The following DGKB variants were observed in gnomAD, a reference collection of about 807,000 sequenced individuals.
The protein encoded by DGKB is diacylglycerol kinase beta.
In DGKB, 67 loss-of-function variants were observed where a neutral mutation model predicts 114.3. The observed-to-expected ratio is 0.59, with a 90% CI of 0.48 to 0.72. The LOEUF is 0.72. Among genes scored for constraint, DGKB ranks in the 30% least tolerant of loss-of-function variants. The probability of loss-of-function intolerance (pLI) is 0.00; values close to 1 mark genes in which losing one functional copy is unlikely to be tolerated. For missense variants in DGKB, 907 were observed against 975.2 expected (o/e 0.93, Z 0.93); for synonymous variants, 398 against 323.1 (o/e 1.23, Z -2.49).
At chr7:14,264,875 T>C (rs1797262072) in intron 23 of DGKB, among the ~76,000 whole-genome samples, 2 of 152,170 alleles carry the variant, frequency 1.3e-5, no homozygotes, top group Non-Finnish European at 2.9e-5. Flanking sequence ...ATGGGGGTTG[T>C]TGTTTTAAAC....
chr7:14,897,159 T>A (rs942229305), intron 1 of DGKB, among the ~76,000 whole-genome samples: 1 of 151,740 alleles, frequency 6.6e-6, no homozygotes, highest in African/African-American at 2.4e-5. Context: ...GATGGTACTT[T>A]AAAAAAAATT....
At chr7:14,717,731 C>T (rs1828446667) in intron 6 of DGKB, among the ~76,000 whole-genome samples, 1 of 151,996 alleles carries the variant, frequency 6.6e-6, no homozygotes, top group Non-Finnish European at 1.5e-5. Flanking sequence ...TAGTAGCAAG[C>T]ATTTTTCATT....
chr7:14,949,263 A>T (rs1786043594), intron 1 of DGKB, among the ~76,000 whole-genome samples: 1 of 151,980 alleles, frequency 6.6e-6, no homozygotes, highest in South Asian at 2.1e-4. Context: ...TCGCCTAAGC[A>T]AGTGTCAGCA....
intron 1 of DGKB, among the ~76,000 whole-genome samples, chr7:14,937,511 G>A (rs928428375): frequency 1.3e-4 from 19 of 151,982 alleles, no homozygotes; most frequent in African/African-American, 4.3e-4. Flanking sequence ...TGTATAATTT[G>A]CAAAATAGGA....
intron 23 of DGKB, among the ~76,000 whole-genome samples, chr7:14,183,932 C>T (rs1313211489): frequency 6.6e-6 from 1 of 152,204 alleles, no homozygotes; most frequent in Non-Finnish European, 1.5e-5. Flanking sequence ...TGGACTGCTC[C>T]TGCGGAGCCT....
At chr7:14,298,813 C>A (rs918088479) in intron 23 of DGKB, among the ~76,000 whole-genome samples, 1 of 152,096 alleles carries the variant, frequency 6.6e-6, no homozygotes, top group East Asian at 1.9e-4. Context: ...GGCTAATATC[C>A]AGCATCTACA....
chr7:14,231,651 T>G (rs1791875967), intron 23 of DGKB, among the ~76,000 whole-genome samples: 3 of 151,850 alleles, frequency 2.0e-5, no homozygotes, highest in African/African-American at 2.4e-5. Context: ...TGTACATATA[T>G]TTATATATAG....
chr7:14,572,033 C>T (rs1240198801), intron 20 of DGKB, among the ~76,000 whole-genome samples: 1 of 152,146 alleles, frequency 6.6e-6, no homozygotes, highest in African/African-American at 2.4e-5. Context: ...GTGTGTCACA[C>T]ATTTAGGGAA....
intron 1 of DGKB, among the ~76,000 whole-genome samples, chr7:14,882,818 A>T (rs1854441360): frequency 6.6e-6 from 1 of 151,850 alleles, no homozygotes; most frequent in African/African-American, 2.4e-5. Context: ...TATATGCCAC[A>T]TTTTCTTTAT....
At chr7:14,389,696 G>T (rs1192505766) in intron 21 of DGKB, among the ~76,000 whole-genome samples, 3 of 152,194 alleles carry the variant, frequency 2.0e-5, no homozygotes, top group Admixed American at 6.5e-5. Context: ...GATTCTGGCA[G>T]AAAAGTAAAC....
intron 21 of DGKB, among the ~76,000 whole-genome samples, chr7:14,440,017 A>C (rs1829854347): frequency 6.6e-6 from 1 of 152,154 alleles, no homozygotes; most frequent in South Asian, 2.1e-4. Context: ...GCTAACAAAA[A>C]ACAAAAGAAA....
intron 20 of DGKB, 84 bp from the exon 21 acceptor site, chr7:14,478,309 C>A: frequency 1.2e-6 from 1 of 828,044 alleles, no homozygotes; most frequent in Non-Finnish European, 1.8e-6. Flanking sequence ...AAAAAAATAA[C>A]ATTTCAAAAT....
chr7:14,494,827 C>T lies in DGKB; in HGVS notation c.1771-16602G>A, dbSNP rs540369215. Among the ~76,000 whole-genome samples the T allele has an allele frequency of 5.7e-4, 87 of 151,874 alleles. No homozygotes were observed. In the South Asian group the frequency reaches 0.017, roughly 29 times the overall value. On this transcript the variant is annotated intron_variant, in intron 20 of 25. Transcript: ENST00000402815. ...ATTGTATGTCTTTGTTTCACTCTAA[C>T]GTGAAATTTAAAAAAATACATACAC...
chr7:14,163,203 T>TGTG (rs1784153790), intron 25 of DGKB, among the ~76,000 whole-genome samples: 1 of 152,226 alleles, frequency 6.6e-6, no homozygotes, highest in East Asian at 1.9e-4. Flanking sequence ...CCCCTGTAAC[T>TGTG]ACTGCAAATT....
At chr7:14,729,975 T>C (rs569438703) in intron 5 of DGKB, among the ~76,000 whole-genome samples, 3 of 152,306 alleles carry the variant, frequency 2.0e-5, no homozygotes, top group African/African-American at 7.2e-5. Context: ...GAAAATCTTC[T>C]CTTTCTTTCT....
At position 14,239,236 on chromosome 7, in the gene DGKB, T is replaced by TA. The variant is rs771740923; in HGVS notation, c.2123-61086dup. 4.9e-4 allele frequency among the ~76,000 whole-genome samples: 74 copies of TA among 152,072 alleles called. 1 individual carries two copies. Among genetic ancestry groups the TA allele is most frequent in the Non-Finnish European group, 4.1e-4 (28 of 68,008 alleles). ...AACCAAGAAAAGGGTACAAAGCTTATAAAAAAGTGCAGTTGGAACATCATG... is the reference window on the plus strand; with the variant it reads ...AACCAAGAAAAGGGTACAAAGCTTATAAAAAAAGTGCAGTTGGAACATCATG... On this transcript the variant is annotated intron_variant, in intron 23 of 25. Transcript: ENST00000402815.
chr7:14,412,693 C>T (rs1197603800), intron 21 of DGKB, among the ~76,000 whole-genome samples: 1 of 151,922 alleles, frequency 6.6e-6, no homozygotes, highest in African/African-American at 2.4e-5. Context: ...CAAAAGTCAG[C>T]GAGGAAGGCC....
intron 1 of DGKB, among the ~76,000 whole-genome samples, chr7:14,855,651 G>T (rs570294646): frequency 1.3e-5 from 2 of 152,226 alleles, no homozygotes; most frequent in South Asian, 4.2e-4. Context: ...GAAAGTCTCA[G>T]TTATTGCTTT....
chr7:14,590,836 T>A lies in DGKB; in HGVS notation c.1434-7699A>T, dbSNP rs73680463. ...CATGTTATTACTGATTTAATTATAT[T>A]TTTTTCTTTATTAAAAGTAGTATAG... On this transcript the variant is annotated intron_variant, in intron 17 of 25. Coordinates refer to ENST00000402815, the MANE Select transcript of DGKB (RefSeq NM_001350709.2). Among the ~76,000 whole-genome samples, 799 of 152,200 alleles carry A rather than the reference T, an allele frequency of 5.2e-3. 6 individuals are homozygous for A. The highest frequency in any genetic ancestry group is 0.018 in the African/African-American group (748 of 41,520).
Sources: allele counts gnomAD v4.1 joint callset (sites outside exome capture counted in the v4.1 genomes callset), GRCh38; gene constraint gnomAD v4.1.1; transcripts MANE v1.5; gene names NCBI Gene and HGNC (gene_info 2026-07-23, HGNC 2026-07-21).